The following PKHD1 variants were observed in gnomAD, a reference collection of about 807,000 sequenced individuals.
PKHD1 encodes the protein fibrocystin.
Under a neutral mutation model 412.0 loss-of-function variants are expected in PKHD1, and 291 were observed. The observed-to-expected ratio is 0.71, with a 90% CI of 0.64 to 0.78. The LOEUF (loss-of-function observed/expected upper bound fraction) is 0.78. Among genes scored for constraint, PKHD1 ranks in the 30% least tolerant of loss-of-function variants. The probability of loss-of-function intolerance (pLI) is 0.00; values close to 1 mark genes in which losing one functional copy is unlikely to be tolerated. For synonymous variants in PKHD1, 1,777 were observed against 1,821.5 expected (o/e 0.98, Z 0.62); for missense variants, 4,825 against 4,950.7 (o/e 0.97, Z 0.76).
intron 66 of PKHD1, among the ~76,000 whole-genome samples, chr6:51,620,091 AG>A (rs1314452226): frequency 6.6e-6 from 1 of 152,202 alleles, no homozygotes; most frequent in East Asian, 1.9e-4. Context: ...TCACAAAATT[AG>A]GCCCAAGTTC....
intron 52 of PKHD1, among the ~76,000 whole-genome samples, chr6:51,812,778 T>A (rs555130552): frequency 1.3e-5 from 2 of 152,216 alleles, no homozygotes; most frequent in Non-Finnish European, 2.9e-5. Flanking sequence ...GTCTAGTACC[T>A]TTCAAATGTC....
chr6:52,024,590 T>C lies in PKHD1; in HGVS notation c.5220A>G (p.Ala1740=). 3 of 1,614,122 alleles carry C rather than the reference T, an allele frequency of 1.9e-6. No individual in the cohort carries two copies. The highest frequency in any genetic ancestry group is 2.5e-6 in the Non-Finnish European group (3 of 1,180,008). ...LVFTSRVIIT[A]VTENFGCLGG... ...TTGACTTACCGAAGTTCTCCGTCAC[T>C]GCTGTAATAATAACTCTTGAGGTGA... Residue 1740 remains alanine (A), a synonymous_variant, in exon 32 of 67, where the codon GCA becomes GCG. Coordinates refer to ENST00000371117, the MANE Select transcript of PKHD1 (RefSeq NM_138694.4).
At chr6:51,741,439 G>A (rs1037175310) in intron 60 of PKHD1, among the ~76,000 whole-genome samples, 6 of 151,874 alleles carry the variant, frequency 4.0e-5, no homozygotes, top group African/African-American at 1.5e-4. Context: ...TCAAGGAAGA[G>A]CACAGTTAGC....
chr6:51,888,200 G>C, intron 43 of PKHD1, among the ~76,000 whole-genome samples: 1 of 152,180 alleles, frequency 6.6e-6, no homozygotes, highest in Admixed American at 6.5e-5. Context: ...GTCCTGAATA[G>C]ACTATTAAGT....
intron 40 of PKHD1, among the ~76,000 whole-genome samples, chr6:51,908,307 A>T (rs1286948823): frequency 6.6e-6 from 1 of 152,122 alleles, no homozygotes; most frequent in African/African-American, 2.4e-5. Flanking sequence ...GACCTGAAGG[A>T]TTACTCTGCA....
chr6:52,054,757 C>A (rs1807443231), intron 19 of PKHD1, among the ~76,000 whole-genome samples: 1 of 152,214 alleles, frequency 6.6e-6, no homozygotes, highest in African/African-American at 2.4e-5. Context: ...AATAGCACTT[C>A]CCCAGTTGCA....
chr6:51,680,868 T>C (rs1776559868), intron 60 of PKHD1, among the ~76,000 whole-genome samples: 1 of 151,904 alleles, frequency 6.6e-6, no homozygotes. Flanking sequence ...CAATAAAACT[T>C]GAAAGGGTGT....
At chr6:51,742,805 C>T (rs1784724092) in intron 60 of PKHD1, among the ~76,000 whole-genome samples, 2 of 152,182 alleles carry the variant, frequency 1.3e-5, no homozygotes, top group African/African-American at 2.4e-5. Context: ...ACGACTCTAA[C>T]AAACAATAAA....
At chr6:52,078,827 T>C (rs1811662093) in intron 5 of PKHD1, among the ~76,000 whole-genome samples, 1 of 152,182 alleles carries the variant, frequency 6.6e-6, no homozygotes, top group African/African-American at 2.4e-5. Context: ...GTGCAGCTCT[T>C]AGTAAAAAAG....
At chr6:51,957,916 T>C (rs149732290) in intron 36 of PKHD1, among the ~76,000 whole-genome samples, 1 of 152,232 alleles carries the variant, frequency 6.6e-6, no homozygotes, top group East Asian at 1.9e-4. Flanking sequence ...GTCTTTTACA[T>C]TTACTTTCTA....
chr6:51,961,630 A>T (rs1792054233), intron 35 of PKHD1, among the ~76,000 whole-genome samples: 1 of 152,096 alleles, frequency 6.6e-6, no homozygotes, highest in Non-Finnish European at 1.5e-5. Flanking sequence ...ATAACCCTTT[A>T]ATTTACTCCT....
chr6:52,014,500 C>CATGG lies in PKHD1; in HGVS notation c.5600+2906_5600+2909dup, dbSNP rs559212704. Among the ~76,000 whole-genome samples the CATGG allele has an allele frequency of 8.0e-4, 121 of 151,690 alleles. 1 individual carries two copies. Among genetic ancestry groups the CATGG allele is most frequent in the Middle Eastern group, 3.4e-3 (1 of 292 alleles). Reference sequence around the variant, plus strand: ...ATCAATACTGGATAGATGGATGGATCATGGATGGATGGATGGATGGATGGA... The same window carrying CATGG: ...ATCAATACTGGATAGATGGATGGATCATGGATGGATGGATGGATGGATGGATGGA... On this transcript the variant is annotated intron_variant, in intron 34 of 66. Coordinates refer to ENST00000371117, the MANE Select transcript of PKHD1 (RefSeq NM_138694.4).
intron 11 of PKHD1, among the ~76,000 whole-genome samples, chr6:52,068,505 T>A (rs866283497): frequency 6.6e-6 from 1 of 152,212 alleles, no homozygotes; most frequent in Non-Finnish European, 1.5e-5. Context: ...AGATTTGGAA[T>A]TAGAACTACA....
chr6:52,002,624 C>T (rs1798571762), intron 35 of PKHD1, among the ~76,000 whole-genome samples: 1 of 151,948 alleles, frequency 6.6e-6, no homozygotes, highest in South Asian at 2.1e-4. Context: ...CTTCTCTCTG[C>T]AGGCACACAA....
At chr6:52,038,437 AG>A (rs1307852875) in intron 27 of PKHD1, among the ~76,000 whole-genome samples, 1 of 151,758 alleles carries the variant, frequency 6.6e-6, no homozygotes, top group Non-Finnish European at 1.5e-5. Flanking sequence ...AGCAAGACAC[AG>A]GGAGGATACC....
chr6:52,025,898 A>C lies in PKHD1; in HGVS notation c.3912T>G (p.Thr1304=). ...TATTTGTGATTTCTCCTTGCATGGC[A>C]GTGACTACTGGTGTTGCTGCCGCTT... The part of the protein sequence containing the change: ...MYEAAATPVV[T]AMQGEITNSS... Residue 1304 remains threonine (T), a synonymous_variant, in exon 32 of 67, where the codon ACT becomes ACG. Coordinates refer to ENST00000371117, the MANE Select transcript of PKHD1 (RefSeq NM_138694.4). The C allele has an allele frequency of 6.2e-7, 1 of 1,614,110 alleles. No individual in the cohort carries two copies. The highest frequency in any genetic ancestry group is 8.5e-7 in the Non-Finnish European group (1 of 1,180,024).
At chr6:52,036,259 A>G (rs1009661952) in intron 27 of PKHD1, among the ~76,000 whole-genome samples, 1 of 152,204 alleles carries the variant, frequency 6.6e-6, no homozygotes, top group Non-Finnish European at 1.5e-5. Flanking sequence ...TTGACACTAC[A>G]CATACTAGGT....
intron 48 of PKHD1, among the ~76,000 whole-genome samples, chr6:51,856,330 T>C (rs1048176227): frequency 6.6e-6 from 1 of 152,178 alleles, no homozygotes; most frequent in Non-Finnish European, 1.5e-5. Flanking sequence ...GTTTTTTATT[T>C]TGTTTGTTTT....
rs1475565247 is a variant in PKHD1, at chr6:51,616,233, C to G, written c.*2848G>C. Reference sequence around the variant, plus strand: ...GTACTTTCAAACACTTTTGAACTCTCTAGAATTTTAGCTTGTCCAATCTCT... The same window carrying G: ...GTACTTTCAAACACTTTTGAACTCTGTAGAATTTTAGCTTGTCCAATCTCT... On this transcript the variant is annotated 3_prime_UTR_variant, in exon 67 of 67. Coordinates refer to ENST00000371117, the MANE Select transcript of PKHD1 (RefSeq NM_138694.4). 2.6e-5 allele frequency: 4 copies of G among 155,178 alleles called. No individual in the cohort carries two copies. The highest frequency in any genetic ancestry group is 9.6e-5 in the African/African-American group (4 of 41,602). The allele number at this position is 155,178 out of a possible 1,614,324, so 9.6% of individuals were successfully genotyped here. A position where few individuals can be genotyped will look rare whatever the true frequency, so the allele number is the denominator to read the frequency against.
Sources: gnomAD v4.1 joint callset for allele counts (sites outside exome capture counted in the v4.1 genomes callset) on GRCh38, gnomAD v4.1.1 for gene constraint, MANE v1.5 for transcripts, NCBI Gene and HGNC (gene_info 2026-07-23, HGNC 2026-07-21) for gene names.